The following MAP4 variants were observed in gnomAD, a reference collection of about 807,000 sequenced individuals.
MAP4 encodes the protein microtubule associated protein 4, also known as microtubule-associated protein 4.
MAP4 carries 76 observed loss-of-function variants against 170.2 expected under a neutral mutation model. The ratio of observed to expected loss-of-function variants is 0.45; its 90% CI spans 0.37 to 0.54. MAP4 has a LOEUF of 0.54. Ranked by LOEUF, MAP4 falls within the 20% of genes least tolerant of loss-of-function variation. MAP4 has a pLI of 0.00. For synonymous variants in MAP4, 909 were observed against 994.5 expected (o/e 0.91, Z 1.62); for missense variants, 2,506 against 2,748.0 (o/e 0.91, Z 1.97).
intron 1 of MAP4, among the ~76,000 whole-genome samples, chr3:48,023,477 A>C (rs1195560794): frequency 2.0e-5 from 3 of 152,242 alleles, no homozygotes; most frequent in African/African-American, 7.2e-5. Flanking sequence ...GCTGAAATCA[A>C]CTGAAAGACT....
chr3:48,088,222 C>G (rs1344791532), intron 1 of MAP4, among the ~76,000 whole-genome samples: 1 of 150,474 alleles, frequency 6.6e-6, no homozygotes, highest in African/African-American at 2.4e-5. Context: ...GCCAGACACA[C>G]GCTTTAGTCC....
chr3:48,027,354 C>T (rs1223716638), intron 1 of MAP4, among the ~76,000 whole-genome samples: 1 of 152,134 alleles, frequency 6.6e-6, no homozygotes. Flanking sequence ...TTAGGACAAA[C>T]ATCTCCCAAC....
At chr3:47,907,997 C>T (rs2100034037) in intron 9 of MAP4, among the ~76,000 whole-genome samples, 2 of 152,144 alleles carry the variant, frequency 1.3e-5, no homozygotes, top group Admixed American at 1.3e-4. Flanking sequence ...AGAACACAAT[C>T]CCATGATGAA....
chr3:47,952,910 C>T (rs2100065416), intron 3 of MAP4, among the ~76,000 whole-genome samples: 1 of 151,398 alleles, frequency 6.6e-6, no homozygotes, highest in Non-Finnish European at 1.5e-5. Context: ...AGTGACAGAG[C>T]AAGACTCCAT....
intron 17 of MAP4, among the ~76,000 whole-genome samples, chr3:47,861,642 C>T (rs1469633511): frequency 6.6e-6 from 1 of 151,680 alleles, no homozygotes; most frequent in Non-Finnish European, 1.5e-5. Flanking sequence ...TGAGCCACCA[C>T]GCCCAGCCAA....
chr3:47,964,687 C>T (rs1216867876), intron 3 of MAP4, among the ~76,000 whole-genome samples: 1 of 152,158 alleles, frequency 6.6e-6, no homozygotes, highest in Non-Finnish European at 1.5e-5. Context: ...CCCATAACTG[C>T]TTAGCATTTA....
intron 3 of MAP4, among the ~76,000 whole-genome samples, chr3:47,959,719 G>A (rs1180147664): frequency 6.9e-6 from 1 of 144,478 alleles, no homozygotes; most frequent in Non-Finnish European, 1.5e-5. Context: ...AGATCGCGCC[G>A]CTGCACTCCA....
intron 10 of MAP4, among the ~76,000 whole-genome samples, chr3:47,893,589 T>A (rs1320078423): frequency 1.3e-5 from 2 of 152,078 alleles, no homozygotes; most frequent in Non-Finnish European, 2.9e-5. Flanking sequence ...AAAACAAAAC[T>A]GTGAGAAAAA....
chr3:48,026,965 A>G (rs1377590516), intron 1 of MAP4, among the ~76,000 whole-genome samples: 1 of 152,276 alleles, frequency 6.6e-6, no homozygotes, highest in Non-Finnish European at 1.5e-5. Flanking sequence ...TTTGCTTGAA[A>G]AAACAGAAAC....
chr3:48,045,832 C>T lies in MAP4; in HGVS notation c.-20+42941G>A, dbSNP rs151328313. 1.8e-3 allele frequency among the ~76,000 whole-genome samples: 268 copies of T among 152,306 alleles called. 3 individuals carry two copies. The South Asian group carries it at 0.032, about 18-fold the overall frequency. On this transcript the variant is annotated intron_variant, in intron 1 of 18. Transcript: ENST00000360240. ...CTGGGATTACAGGCGTAAGCCACCG[C>T]GCCCGGCTGCAATAGACATCTTTTC...
intron 3 of MAP4, among the ~76,000 whole-genome samples, chr3:47,951,787 A>G (rs1205912561): frequency 4.5e-4 from 69 of 152,096 alleles, no homozygotes; most frequent in African/African-American, 1.6e-3. Flanking sequence ...CTGGGAAGTG[A>G]GGAGCGTCTC....
chr3:48,087,639 G>C (rs1332990657), intron 1 of MAP4, among the ~76,000 whole-genome samples: 1 of 152,022 alleles, frequency 6.6e-6, no homozygotes. Flanking sequence ...AACCATCCCT[G>C]GGAAAGAGCA....
intron 1 of MAP4, among the ~76,000 whole-genome samples, chr3:48,015,793 C>T (rs2100107486): frequency 6.6e-6 from 1 of 152,200 alleles, no homozygotes; most frequent in Admixed American, 6.5e-5. Context: ...CAGGAATCAA[C>T]TACCAACTTA....
At chr3:48,075,993 GAAAC>G (rs2100143706) in intron 1 of MAP4, among the ~76,000 whole-genome samples, 2 of 135,354 alleles carry the variant, frequency 1.5e-5, no homozygotes, top group African/African-American at 2.7e-5. Context: ...AAAAAAAAAA[GAAAC>G]AAAGAAAAAG....
chr3:47,999,258 G>A (rs1458460937), intron 1 of MAP4, among the ~76,000 whole-genome samples: 8 of 152,038 alleles, frequency 5.3e-5, no homozygotes, highest in South Asian at 2.1e-4. Context: ...CATTACTATC[G>A]GACAAATGAA....
intron 3 of MAP4, among the ~76,000 whole-genome samples, chr3:47,951,363 C>G (rs1232996788): frequency 6.6e-6 from 1 of 152,008 alleles, no homozygotes; most frequent in African/African-American, 2.4e-5. Context: ...CACGGTCTCC[C>G]TCTCCCTCTC....
chr3:47,996,735 A>AACACACACAC, intron 2 of MAP4, among the ~76,000 whole-genome samples: 1 of 80,590 alleles, frequency 1.2e-5, no homozygotes, highest in African/African-American at 7.2e-5. Context: ...ATCAAAAACT[A>AACACACACAC]AGACACACAC....
At position 47,980,354 on chromosome 3, in the gene MAP4, C is replaced by T. The variant is rs868426358; in HGVS notation, c.224-2421G>A. Among the ~76,000 whole-genome samples, 6 of 152,088 alleles carry T rather than the reference C, an allele frequency of 3.9e-5. No individual in the cohort carries two copies. The South Asian group carries it at 6.2e-4, about 16-fold the overall frequency. ...CTAGCTCTGCAGTCACCTTGCTGACCGAAGAATTCAGAGATATTATTCCTA... is the reference window on the plus strand; with the variant it reads ...CTAGCTCTGCAGTCACCTTGCTGACTGAAGAATTCAGAGATATTATTCCTA... On this transcript the variant is annotated intron_variant, in intron 2 of 20. Coordinates refer to ENST00000683076, the MANE Select transcript of MAP4 (RefSeq NM_001385682.1).
intron 2 of MAP4, among the ~76,000 whole-genome samples, 173 bp downstream of exon 2, chr3:47,998,465 C>G (rs538223744): frequency 1.3e-5 from 2 of 152,154 alleles, no homozygotes; most frequent in Admixed American, 1.3e-4. Context: ...GACTCATGAA[C>G]GCTCACTCAA....
Sources: gnomAD v4.1 joint callset for allele counts (sites outside exome capture counted in the v4.1 genomes callset) on GRCh38, gnomAD v4.1.1 for gene constraint, MANE v1.5 for transcripts, NCBI Gene and HGNC (gene_info 2026-07-23, HGNC 2026-07-21) for gene names.